The following MYT1L variants were observed in gnomAD, a reference collection of about 807,000 sequenced individuals.
MYT1L encodes the protein myelin transcription factor 1-like protein.
Under a neutral mutation model 126.7 loss-of-function variants are expected in MYT1L, and 12 were observed. The observed-to-expected ratio is 0.09, with a 90% CI of 0.06 to 0.15. The LOEUF (loss-of-function observed/expected upper bound fraction) is 0.15. MYT1L is among the 10% of genes least tolerant of loss of function. MYT1L has a pLI of 1.00. For missense variants in MYT1L, 979 were observed against 1,585.2 expected (o/e 0.62, Z 6.49); for synonymous variants, 541 against 604.2 (o/e 0.90, Z 1.53).
At chr2:2,283,855 C>T (rs116041058) in intron 2 of MYT1L, among the ~76,000 whole-genome samples, 411 of 152,274 alleles carry the variant, frequency 2.7e-3, no homozygotes, top group Non-Finnish European at 4.7e-3. Context: ...AGTCCGTGCA[C>T]CTCTGGCTAC....
At chr2:2,311,575 G>A (rs1420297966) in intron 1 of MYT1L, among the ~76,000 whole-genome samples, 1 of 152,148 alleles carries the variant, frequency 6.6e-6, no homozygotes, top group Non-Finnish European at 1.5e-5. Flanking sequence ...CGACTTTGGG[G>A]GGCACCATTC....
intron 3 of MYT1L, among the ~76,000 whole-genome samples, chr2:2,122,878 A>T (rs1051621145): frequency 5.2e-4 from 71 of 135,834 alleles, no homozygotes; most frequent in African/African-American, 1.8e-3. Context: ...TGTGTGAGAG[A>T]GAGAGAGAGA....
At chr2:1,894,800 C>T (rs890713024) in intron 14 of MYT1L, among the ~76,000 whole-genome samples, 6 of 152,114 alleles carry the variant, frequency 3.9e-5, no homozygotes, top group East Asian at 1.9e-4. Context: ...CAGGAGCTCC[C>T]GCTGACGCCC....
At chr2:2,121,716 A>G in intron 3 of MYT1L, among the ~76,000 whole-genome samples, 1 of 151,690 alleles carries the variant, frequency 6.6e-6, no homozygotes, top group Non-Finnish European at 1.5e-5. Flanking sequence ...CGAACTGCTG[A>G]CCTCGTGATC....
intron 2 of MYT1L, among the ~76,000 whole-genome samples, chr2:2,184,064 G>A (rs2091860380): frequency 2.0e-5 from 3 of 148,350 alleles, no homozygotes; most frequent in African/African-American, 5.0e-5. Context: ...AAAGAAAAAA[G>A]GGGAGAGAGA....
intron 2 of MYT1L, among the ~76,000 whole-genome samples, chr2:2,256,008 G>T (rs2094800344): frequency 6.6e-6 from 1 of 152,216 alleles, no homozygotes; most frequent in Non-Finnish European, 1.5e-5. Context: ...GGGAGCCATA[G>T]CGGGGTAAAA....
In MYT1L at chr2:2,077,965, G is replaced by A. The variant is rs562738260; in HGVS notation, c.-303-23842C>T. ...TCTTCTATACGTTTTAAAAGACAGC[G>A]GCAGAAATCAATAATTATAAAACTG... On this transcript the variant is annotated intron_variant, in intron 3 of 24. Transcript: ENST00000647738. 1.3e-4 allele frequency among the ~76,000 whole-genome samples: 20 copies of A among 152,142 alleles called. No homozygotes were observed. In the East Asian group the frequency reaches 2.9e-3, roughly 22 times the overall value.
intron 3 of MYT1L, among the ~76,000 whole-genome samples, chr2:2,165,415 T>C (rs1164018214): frequency 1.3e-5 from 2 of 152,056 alleles, no homozygotes; most frequent in Non-Finnish European, 2.9e-5. Context: ...CTCACAGACA[T>C]TGTGGCAAGC....
intron 1 of MYT1L, among the ~76,000 whole-genome samples, chr2:2,315,537 C>G (rs537289560): frequency 1.3e-5 from 2 of 152,152 alleles, no homozygotes; most frequent in African/African-American, 4.8e-5. Context: ...GTGATATAAC[C>G]CATGAGGAAA....
chr2:2,192,888 C>T (rs1382214777), intron 2 of MYT1L, among the ~76,000 whole-genome samples: 2 of 152,140 alleles, frequency 1.3e-5, no homozygotes, highest in Non-Finnish European at 2.9e-5. Flanking sequence ...TTAACCCTAA[C>T]AAGTTGGGGA....
Position 2,188,892 on chromosome 2 carries a change from G to GGCCA in MYT1L, c.-420-15905_-420-15904insTGGC, listed in dbSNP as rs67338180. Among the ~76,000 whole-genome samples, 20 of 1,620 alleles carry GGCCA rather than the reference G, an allele frequency of 0.012. 2 individuals are homozygous for GGCCA. The African/African-American group carries it at 0.21, about 17-fold the overall frequency. 1.1% of individuals were successfully genotyped at this position (1,620 alleles called of 152,430 possible). ...AATACAAAAGCTTTGTCCTGCCACAGTCTGATTTCCCTAGGATAGATGGTT... is the reference window on the plus strand; with the variant it reads ...AATACAAAAGCTTTGTCCTGCCACAGGCCATCTGATTTCCCTAGGATAGATGGTT... On this transcript the variant is annotated intron_variant, in intron 2 of 24. Coordinates refer to ENST00000647738, the MANE Select transcript of MYT1L (RefSeq NM_001303052.2).
chr2:2,069,757 C>A (rs918431198), intron 3 of MYT1L, among the ~76,000 whole-genome samples: 1 of 151,834 alleles, frequency 6.6e-6, no homozygotes, highest in African/African-American at 2.4e-5. Flanking sequence ...TTTAAATGAT[C>A]GCCATTCTAA....
chr2:2,252,454 G>T (rs529528298), intron 2 of MYT1L, among the ~76,000 whole-genome samples: 1 of 152,204 alleles, frequency 6.6e-6, no homozygotes, highest in Admixed American at 6.5e-5. Context: ...AGGGACGGAT[G>T]CTGGCTCCTC....
chr2:2,266,696 T>C (rs1265194236), intron 2 of MYT1L, among the ~76,000 whole-genome samples: 2 of 152,098 alleles, frequency 1.3e-5, no homozygotes, highest in Non-Finnish European at 2.9e-5. Context: ...AACTCCCACA[T>C]GTTGTGGGAG....
chr2:1,886,498 G>T, intron 18 of MYT1L, 41 bp downstream of exon 18: 1 of 1,426,896 alleles, frequency 7.0e-7, no homozygotes, highest in Non-Finnish European at 9.5e-7. Context: ...ACTACTGAGT[G>T]CATGGATTTT....
intron 9 of MYT1L, among the ~76,000 whole-genome samples, chr2:1,938,508 T>C (rs568251196): frequency 4.6e-5 from 7 of 152,364 alleles, no homozygotes; most frequent in Admixed American, 2.0e-4. Flanking sequence ...ATAATAAATA[T>C]AACTTTGCTT....
chr2:2,012,077 T>C (rs1389140655), intron 4 of MYT1L, among the ~76,000 whole-genome samples: 1 of 152,182 alleles, frequency 6.6e-6, no homozygotes, highest in African/African-American at 2.4e-5. Context: ...GAAATTCCAT[T>C]CCTAAAGAAG....
Position 2,168,464 on chromosome 2 carries a change from C to T in MYT1L, c.-304+4408G>A, listed in dbSNP as rs559822081. On this transcript the variant is annotated intron_variant, in intron 3 of 24. Coordinates refer to ENST00000647738, the MANE Select transcript of MYT1L (RefSeq NM_001303052.2). ...ACACTTCATACACTTACTGCAGGTC[C>T]TTGCACATCAGCTGTTTCTAAATTG... Among the ~76,000 whole-genome samples, 65 of 152,294 alleles carry T rather than the reference C, an allele frequency of 4.3e-4. 1 individual carries two copies. The South Asian group carries it at 0.011, about 26-fold the overall frequency.
At chr2:1,971,869 G>A (rs1323261637) in intron 8 of MYT1L, among the ~76,000 whole-genome samples, 3 of 152,142 alleles carry the variant, frequency 2.0e-5, no homozygotes, top group African/African-American at 7.2e-5. Context: ...AGCAAGCCTG[G>A]ACGTCACCTG....
Sources: gnomAD v4.1 joint callset for allele counts (sites outside exome capture counted in the v4.1 genomes callset) on GRCh38, gnomAD v4.1.1 for gene constraint, MANE v1.5 for transcripts, NCBI Gene and HGNC (gene_info 2026-07-23, HGNC 2026-07-21) for gene names.